DPYSL2: variants seen among roughly 807,000 people sequenced by gnomAD.
DPYSL2 encodes dihydropyrimidinase-related protein 2.
Under a neutral mutation model 69.9 loss-of-function variants are expected in DPYSL2, and 13 were observed. The observed-to-expected ratio is 0.19, with a 90% CI of 0.12 to 0.30. The LOEUF (loss-of-function observed/expected upper bound fraction) is 0.30, where lower values mean the gene tolerates loss of function less well. DPYSL2 is among the 10% of genes least tolerant of loss of function. The pLI is 1.00. For synonymous variants in DPYSL2, 326 were observed against 359.1 expected (o/e 0.91, Z 1.04); for missense variants, 587 against 918.9 (o/e 0.64, Z 4.67).
At chr8:26,559,943 C>T (rs1429779397) in intron 1 of DPYSL2, among the ~76,000 whole-genome samples, 1 of 152,154 alleles carries the variant, frequency 6.6e-6, no homozygotes, top group Admixed American at 6.6e-5. Flanking sequence ...ACTGCTCATT[C>T]CTAAACTCAT....
chr8:26,530,668 G>A (rs866024116), intron 1 of DPYSL2, among the ~76,000 whole-genome samples: 7 of 152,162 alleles, frequency 4.6e-5, no homozygotes, highest in Admixed American at 6.6e-5. Context: ...TGAGGAAACC[G>A]TTCCGATGCT....
At chr8:26,566,477 C>G (rs1481888151) in intron 1 of DPYSL2, among the ~76,000 whole-genome samples, 1 of 152,194 alleles carries the variant, frequency 6.6e-6, no homozygotes, top group East Asian at 1.9e-4. Context: ...TTGTGGCATG[C>G]ATGTCCTCTT....
chr8:26,618,019 A>G (rs1802394489), intron 3 of DPYSL2, among the ~76,000 whole-genome samples: 1 of 152,108 alleles, frequency 6.6e-6, no homozygotes, highest in South Asian at 2.1e-4. Flanking sequence ...ACCTCAATAA[A>G]ACTGTTAAAA....
chr8:26,634,835 C>T lies in DPYSL2; in HGVS notation c.1061C>T (p.Pro354Leu). 6.2e-7 allele frequency: 1 copy of T among 1,614,252 alleles called. No individual in the cohort carries two copies. Among genetic ancestry groups the T allele is most frequent in the Non-Finnish European group, 8.5e-7 (1 of 1,180,046 alleles). Reference protein sequence around the residue: ...AITIANQTNCPLYITKVMSKS... With the variant: ...AITIANQTNCLLYITKVMSKS... ...ACCATCGCCAACCAGACCAACTGCC[C>T]GCTGTATATCACCAAGGTGATGAGC... Residue 354 changes from proline to leucine, a missense_variant, in exon 8 of 14, where the codon CCG (proline) becomes CTG (leucine). Transcript: ENST00000521913.
In DPYSL2 at chr8:26,580,115, A is replaced by G. The variant is rs150723984; in HGVS notation, c.355-1854A>G. On this transcript the variant is annotated intron_variant, in intron 1 of 13. Coordinates refer to ENST00000521913, the MANE Select transcript of DPYSL2 (RefSeq NM_001197293.3). This position sits in a 1 kb window ranked among gnomAD's most constrained non-coding sequence, Gnocchi z 4.1. ...GTGTTTCACTTTTTTTCATGGCATC[A>G]TGTTGGCTCGGGATATTCGCGGTGA... Among the ~76,000 whole-genome samples the G allele has an allele frequency of 1.9e-3, 292 of 151,952 alleles. 1 individual carries two copies. Among genetic ancestry groups the G allele is most frequent in the African/African-American group, 6.6e-3 (275 of 41,422 alleles).
chr8:26,578,002 T>A, intron 1 of DPYSL2: 1 of 1,364,342 alleles, frequency 7.3e-7, no homozygotes, highest in Non-Finnish European at 9.4e-7. Context: ...CTTCTCTCTC[T>A]CTCTCTCTCT....
At chr8:26,521,138 T>C (rs139420874) in intron 1 of DPYSL2, among the ~76,000 whole-genome samples, 32 of 152,340 alleles carry the variant, frequency 2.1e-4, no homozygotes, top group Non-Finnish European at 4.0e-4. Context: ...GTGGGACTGA[T>C]GGACACTTGA....
intron 7 of DPYSL2, among the ~76,000 whole-genome samples, chr8:26,633,835 A>G (rs17322640): frequency 0.13 from 19,244 of 152,240 alleles, 1,550 homozygotes; most frequent in Non-Finnish European, 0.18. Flanking sequence ...CTTGTGCTGA[A>G]GGTCGTACCA....
At chr8:26,530,731 T>C (rs1281789059) in intron 1 of DPYSL2, among the ~76,000 whole-genome samples, 1 of 152,222 alleles carries the variant, frequency 6.6e-6, no homozygotes, top group Non-Finnish European at 1.5e-5. Context: ...GAGAATGTGG[T>C]GTGCAGAAGA....
At chr8:26,548,708 C>A (rs535470475) in intron 1 of DPYSL2, among the ~76,000 whole-genome samples, 1 of 151,616 alleles carries the variant, frequency 6.6e-6, no homozygotes, top group African/African-American at 2.4e-5. Context: ...TATAGTGAGA[C>A]CTCCTCTCTT....
chr8:26,643,887 A>G lies in DPYSL2; in HGVS notation c.1284-63A>G. The G allele has an allele frequency of 6.4e-7, 1 of 1,556,664 alleles. No homozygotes were observed. On this transcript the variant is annotated intron_variant, in intron 9 of 13. Transcript: ENST00000521913. This position sits in a 1 kb window ranked among gnomAD's most constrained non-coding sequence, Gnocchi z 6.5. ...TGCCATTCATGAGACAGCCCACCAA[A>G]TAGGTGTAGGCGCACAGCATCTTGA...
intron 1 of DPYSL2, chr8:26,548,008 A>G: frequency 3.7e-6 from 1 of 266,714 alleles, no homozygotes. Flanking sequence ...GTTCCCCTGG[A>G]TAAGACAGAA....
rs1157974173 is a variant in DPYSL2, at chr8:26,534,903, G to T, written c.354+20224G>T. Among the ~76,000 whole-genome samples the T allele has an allele frequency of 2.0e-5, 3 of 152,056 alleles. No individual in the cohort carries two copies. The East Asian group carries it at 5.8e-4, about 29-fold the overall frequency. ...CCACCTCAGCCTCCCAAAACACTGG[G>T]ATTATAGGCATGAGCCACCACAACC... is the stretch of plus-strand genomic sequence containing the variant. On this transcript the variant is annotated intron_variant, in intron 1 of 13. Transcript: ENST00000521913.
intron 3 of DPYSL2, among the ~76,000 whole-genome samples, chr8:26,612,349 C>T (rs1053750853): frequency 6.6e-5 from 10 of 152,208 alleles, no homozygotes; most frequent in African/African-American, 1.9e-4. Flanking sequence ...CAGAGAAAAC[C>T]GTTTAAAATA....
At chr8:26,618,777 C>CCA (rs1249544813) in intron 3 of DPYSL2, among the ~76,000 whole-genome samples, 1 of 62,864 alleles carries the variant, frequency 1.6e-5, no homozygotes, top group Non-Finnish European at 3.2e-5. Context: ...CCCATCTCTA[C>CCA]CAAAAAAAAA....
Position 26,517,737 on chromosome 8 carries a change from A to G in DPYSL2, c.354+3058A>G, listed in dbSNP as rs1011721574. On this transcript the variant is annotated intron_variant, in intron 1 of 13. Coordinates refer to ENST00000521913, the MANE Select transcript of DPYSL2 (RefSeq NM_001197293.3). The surrounding 1 kb of genome is among the most constrained non-coding windows in gnomAD (Gnocchi z 4.2). ...TTTCCCAGCAGCAAACAACCTATGC[A>G]GGCTGGAGTGACAGGGAGTGATTCT... Among the ~76,000 whole-genome samples the G allele has an allele frequency of 2.0e-5, 3 of 152,224 alleles. No homozygotes were observed. Among genetic ancestry groups the G allele is most frequent in the Non-Finnish European group, 4.4e-5 (3 of 68,034 alleles).
rs938785571 is a variant in DPYSL2, at chr8:26,517,212, C to G, written c.354+2533C>G. 6.6e-6 allele frequency among the ~76,000 whole-genome samples: 1 copy of G among 152,180 alleles called. No homozygotes were observed. Among genetic ancestry groups the G allele is most frequent in the Non-Finnish European group, 1.5e-5 (1 of 68,042 alleles). ...ACTAAGAGGCCTGCTGTTCCCCTAA[C>G]AAGGCTTTGGGAAGGGAGAGAATAG... is the stretch of plus-strand genomic sequence containing the variant. On this transcript the variant is annotated intron_variant, in intron 1 of 13. Transcript: ENST00000521913. This position sits in a 1 kb window ranked among gnomAD's most constrained non-coding sequence, Gnocchi z 4.2.
rs184868334 is a variant in DPYSL2 at position 26,650,005 on chromosome 8, G to A, written c.1596+2205G>A. Among the ~76,000 whole-genome samples the A allele has an allele frequency of 6.6e-5, 10 of 152,270 alleles. No homozygotes were observed. The highest frequency in any genetic ancestry group is 1.7e-4 in the African/African-American group (7 of 41,554). On this transcript the variant is annotated intron_variant, in intron 11 of 13. Coordinates refer to ENST00000521913, the MANE Select transcript of DPYSL2 (RefSeq NM_001197293.3). The surrounding 1 kb of genome is among the most constrained non-coding windows in gnomAD (Gnocchi z 5.3). ...TCATTTATAAGCAACAAGACTCAACGCATGCATTGTGTGAGATCTTGGATG... is the reference window on the plus strand; with the variant it reads ...TCATTTATAAGCAACAAGACTCAACACATGCATTGTGTGAGATCTTGGATG...
chr8:26,575,404 C>G (rs974387025), intron 1 of DPYSL2, among the ~76,000 whole-genome samples: 2 of 152,066 alleles, frequency 1.3e-5, no homozygotes, highest in African/African-American at 4.8e-5. Context: ...TTCTCCTCGG[C>G]CCTTTTTTAC....
Sources: allele counts gnomAD v4.1 joint callset (sites outside exome capture counted in the v4.1 genomes callset), GRCh38; gene constraint gnomAD v4.1.1; non-coding constraint Gnocchi (gnomAD v3.1); transcripts MANE v1.5; gene names NCBI Gene and HGNC (gene_info 2026-07-23, HGNC 2026-07-21).